The following MYLK variants were observed in gnomAD, a reference collection of about 807,000 sequenced individuals.
MYLK encodes myosin light chain kinase, smooth muscle.
MYLK carries 106 observed loss-of-function variants against 203.4 expected under a neutral mutation model. The ratio of observed to expected loss-of-function variants is 0.52; its 90% confidence interval spans 0.45 to 0.61. The LOEUF is 0.61. Among genes scored for constraint, MYLK ranks in the 20% least tolerant of loss-of-function variants. The pLI, the probability that MYLK is intolerant of heterozygous loss-of-function variation, is 0.00. For synonymous variants in MYLK, 867 were observed against 959.5 expected, an observed-to-expected ratio of 0.90 and a Z score of 1.78; for missense variants, 2,072 against 2,442.3, an observed-to-expected ratio of 0.85 and a Z score of 3.20.
rs138184669 is a variant in MYLK at position 123,616,264 on chromosome 3, G to A, written c.5501-1915C>T. On this transcript the variant is annotated intron_variant, in intron 33 of 33. Transcript: ENST00000360304. ...CAGGTAATTTGCCTATGGACAATTG[G>A]AAATGGACCTCACCAATGAGCCTTT... The A allele has an allele frequency of 1.7e-3, 252 of 152,178 alleles. 1 individual carries two copies. The highest frequency in any genetic ancestry group is 5.9e-3 in the African/African-American group (246 of 41,532). The allele number at this position is 152,178 out of a possible 1,614,324, so 9.4% of individuals were successfully genotyped here. A position where few individuals can be genotyped will look rare whatever the true frequency, so the allele number is the denominator to read the frequency against.
At chr3:123,630,703 C>T (rs2058378734) in intron 29 of MYLK, 2 of 152,242 alleles carry the variant, frequency 1.3e-5, no homozygotes, top group Non-Finnish European at 2.9e-5. Context: ...GCCCGGAGAT[C>T]TCATGCAGTT....
intron 3 of MYLK, among the ~76,000 whole-genome samples, chr3:123,803,497 C>T (rs1024922029): frequency 3.9e-5 from 6 of 152,260 alleles, no homozygotes; most frequent in South Asian, 2.1e-4. Flanking sequence ...AGCCACCTTC[C>T]TTCTCTGGTC....
At chr3:123,719,128 C>T (rs1250971978) in intron 13 of MYLK, among the ~76,000 whole-genome samples, 1 of 152,156 alleles carries the variant, frequency 6.6e-6, no homozygotes, top group Non-Finnish European at 1.5e-5. Context: ...CCAGCAATCT[C>T]GATGATTGCA....
intron 9 of MYLK, 146 bp from the exon 10 acceptor site, chr3:123,734,368 T>C: frequency 1.3e-6 from 1 of 788,290 alleles, no homozygotes; most frequent in Non-Finnish European, 1.9e-6. Flanking sequence ...AAGAGCATCT[T>C]TCTCTGCAGT....
chr3:123,735,324 A>G, intron 9 of MYLK, 74 bp downstream of exon 9: 1 of 1,565,698 alleles, frequency 6.4e-7, no homozygotes, highest in Middle Eastern at 1.7e-4. Flanking sequence ...TCAGAAATTC[A>G]GGGCATTTCT....
rs751810527 is a variant in MYLK, at chr3:123,725,929, G to A, written c.1651+15C>T. ...CAGGGGATGGGAGCAGAGAGCTGGG[G>A]CAGGGGGAACTCACCATTCAGCAGC... On this transcript the variant is annotated intron_variant, in intron 12 of 33. Coordinates refer to ENST00000360304, the MANE Select transcript of MYLK (RefSeq NM_053025.4). The A allele has an allele frequency of 3.1e-6, 5 of 1,612,642 alleles. No individual in the cohort carries two copies. Among genetic ancestry groups the A allele is most frequent in the Non-Finnish European group, 2.5e-6 (3 of 1,179,088 alleles).
At chr3:123,852,005 T>C (rs566300590) in intron 2 of MYLK, among the ~76,000 whole-genome samples, 2 of 152,312 alleles carry the variant, frequency 1.3e-5, no homozygotes, top group South Asian at 4.1e-4. Flanking sequence ...GAGATAATCA[T>C]GTGGTTTTTG....
intron 18 of MYLK, among the ~76,000 whole-genome samples, chr3:123,697,634 A>T (rs2060986354): frequency 6.6e-6 from 1 of 152,216 alleles, no homozygotes; most frequent in South Asian, 2.1e-4. Flanking sequence ...CTTCTCTGTT[A>T]GGTGGACAGT....
intron 11 of MYLK, 107 bp downstream of exon 11, chr3:123,732,789 G>T: frequency 1.8e-6 from 2 of 1,102,032 alleles, no homozygotes; most frequent in Non-Finnish European, 2.7e-6. Context: ...GTCGGGCTGT[G>T]CACCAAGGCA....
intron 1 of MYLK, among the ~76,000 whole-genome samples, 174 bp downstream of exon 1, chr3:123,884,032 T>C (rs1441243368): frequency 4.6e-5 from 7 of 152,052 alleles, no homozygotes; most frequent in Admixed American, 3.9e-4. Flanking sequence ...CTGGCGTCAC[T>C]GGGGTCGTCT....
chr3:123,653,986 T>TTGTGTGTGTGTGTGTG (rs752791805), intron 24 of MYLK, among the ~76,000 whole-genome samples: 15 of 137,648 alleles, frequency 1.1e-4, no homozygotes, highest in African/African-American at 3.0e-4. Flanking sequence ...CAGAGGGATG[T>TTGTGTGTGTGTGTGTG]TGTGTGTGTG....
rs909074336 is a variant in MYLK at position 123,742,862 on chromosome 3, C to T, written c.374-2861G>A. Among the ~76,000 whole-genome samples, 4 of 152,116 alleles carry T rather than the reference C, an allele frequency of 2.6e-5. 1 individual carries two copies. Among genetic ancestry groups the T allele is most frequent in the Non-Finnish European group, 4.4e-5 (3 of 68,032 alleles). On this transcript the variant is annotated intron_variant, in intron 5 of 33. Coordinates refer to ENST00000360304, the MANE Select transcript of MYLK (RefSeq NM_053025.4). ...AAAAAGTGCATTAAGTGAAGGAGCT[C>T]AGACCCAAAAGGCCATGTATGATAG...
At chr3:123,757,323 C>T (rs2108905352) in intron 4 of MYLK, among the ~76,000 whole-genome samples, 1 of 152,336 alleles carries the variant, frequency 6.6e-6, no homozygotes. Context: ...TATCCATCTT[C>T]TCCAAGCTTG....
At chr3:123,674,022 C>A (rs1161319041) in intron 20 of MYLK, among the ~76,000 whole-genome samples, 5 of 152,136 alleles carry the variant, frequency 3.3e-5, no homozygotes, top group Admixed American at 2.0e-4. Context: ...ATCCCCTATT[C>A]TCTTTCCTCC....
Position 123,700,229 on chromosome 3 carries a change from C to G in MYLK, c.3239G>C (p.Gly1080Ala). Residue 1080 changes from glycine (G) to alanine (A), a missense_variant, in exon 18 of 34, where the codon GGC (glycine) becomes GCC (alanine). Gly to Ala is a moderately conservative substitution (Grantham distance 60). Around this residue, in one of 3 missense-constraint regions of MYLK, gnomAD observed 865 missense variants for 1,016.0 expected, o/e 0.85. Transcript: ENST00000360304. ...DVKNDVNCKR[G>A]HAGTTDNEKR... ...TTCATTATCTGTGGTCCCTGCATGG[C>G]CTCTCTTGCAGTTCACATCATTCTT... The G allele has an allele frequency of 3.1e-6, 5 of 1,613,848 alleles. No homozygotes were observed. Among genetic ancestry groups the G allele is most frequent in the Non-Finnish European group, 4.2e-6 (5 of 1,179,994 alleles).
chr3:123,808,564 T>C (rs538172574), intron 3 of MYLK, among the ~76,000 whole-genome samples: 1 of 152,332 alleles, frequency 6.6e-6, no homozygotes, highest in East Asian at 1.9e-4. Flanking sequence ...TGCAAGCTGC[T>C]ACAGGCTACA....
rs147437808 is a variant in MYLK, at chr3:123,705,901, G to A, written c.2390+1853C>T. Among the ~76,000 whole-genome samples, 528 of 152,246 alleles carry A rather than the reference G, an allele frequency of 3.5e-3. 4 individuals carry two copies. The highest frequency in any genetic ancestry group is 0.014 in the Middle Eastern group (4 of 294). ...AAAGTGCTACTCCTTCTATACTGAC[G>A]AGATCATCAGCAGGTATTTTTACAC... is the stretch of plus-strand genomic sequence containing the variant. On this transcript the variant is annotated intron_variant, in intron 16 of 33. Coordinates refer to ENST00000360304, the MANE Select transcript of MYLK (RefSeq NM_053025.4).
chr3:123,881,729 AAAAGCAAGGGGTCATTCTC>A (rs1325787441), intron 1 of MYLK, among the ~76,000 whole-genome samples: 2 of 152,176 alleles, frequency 1.3e-5, no homozygotes, highest in Non-Finnish European at 2.9e-5. Flanking sequence ...TTTTGAGGAT[AAAAGCAAGGGGTCATTCTC>A]AAAGACACTG....
chr3:123,740,513 A>G (rs2062825369), intron 5 of MYLK, among the ~76,000 whole-genome samples: 1 of 152,248 alleles, frequency 6.6e-6, no homozygotes, highest in Non-Finnish European at 1.5e-5. Flanking sequence ...TCTTCCACTT[A>G]AGGCCTGGCA....
Sources: gnomAD v4.1 joint callset for allele counts (sites outside exome capture counted in the v4.1 genomes callset) on GRCh38, gnomAD v4.1.1 for gene constraint, gnomAD v4.1.1 regional missense constraint, MANE v1.5 for transcripts, NCBI Gene and HGNC (gene_info 2026-07-23, HGNC 2026-07-21) for gene names.